Variants in CNTN5 observed in about 807,000 individuals in gnomAD.
CNTN5 encodes contactin-5.
CNTN5 carries 77 observed loss-of-function variants against 129.1 expected under a neutral mutation model. That is an observed-to-expected ratio of 0.60 (90% CI 0.50 to 0.72). CNTN5 has a LOEUF of 0.72. CNTN5 is among the 30% of genes least tolerant of loss of function. The pLI is 0.00. For missense variants in CNTN5, 1,478 were observed against 1,328.8 expected (o/e 1.11, Z -1.75); for synonymous variants, 509 against 465.6 (o/e 1.09, Z -1.20).
At position 99,779,326 on chromosome 11, in the gene CNTN5, G is replaced by A. The variant is rs1466815542; in HGVS notation, c.56-40218G>A. 2.6e-5 allele frequency among the ~76,000 whole-genome samples: 4 copies of A among 152,022 alleles called. No homozygotes were observed. In the East Asian group the frequency reaches 7.8e-4, roughly 30 times the overall value. ...TGTAATCAGGCTGAATTCAGATATG[G>A]AAATAGAATTTTTAATGTATTTCAA... On this transcript the variant is annotated intron_variant, in intron 3 of 24. Coordinates refer to ENST00000524871, the MANE Select transcript of CNTN5 (RefSeq NM_014361.4).
At chr11:99,549,346 A>C (rs1228822399) in intron 2 of CNTN5, among the ~76,000 whole-genome samples, 11 of 152,066 alleles carry the variant, frequency 7.2e-5, no homozygotes, top group Non-Finnish European at 1.3e-4. Context: ...CTCTAGAGAG[A>C]TATCCCTTTG....
intron 6 of CNTN5, among the ~76,000 whole-genome samples, chr11:99,855,014 A>G (rs541009649): frequency 4.6e-5 from 7 of 152,280 alleles, no homozygotes; most frequent in African/African-American, 1.7e-4. Context: ...GTAACTCTCA[A>G]AAAAGACCTT....
At chr11:100,336,356 C>T (rs1300515108) in intron 21 of CNTN5, among the ~76,000 whole-genome samples, 1 of 152,070 alleles carries the variant, frequency 6.6e-6, no homozygotes, top group African/African-American at 2.4e-5. Flanking sequence ...AAATGTTTTA[C>T]AGTAGGACCA....
intron 7 of CNTN5, 103 bp from the exon 8 acceptor site, chr11:99,956,703 C>G (rs1056035742): frequency 1.9e-5 from 14 of 737,472 alleles, no homozygotes; most frequent in Middle Eastern, 2.8e-4. Context: ...ATATGTATGA[C>G]CTTGCAATAT....
intron 3 of CNTN5, among the ~76,000 whole-genome samples, chr11:99,585,538 T>C (rs1949766416): frequency 6.6e-6 from 1 of 152,188 alleles, no homozygotes; most frequent in East Asian, 1.9e-4. Context: ...GGGATTTTCA[T>C]AGTTATTTTA....
rs188575091 is a variant in CNTN5 at position 100,336,697 on chromosome 11, T to C, written c.2731-3766T>C. 5.3e-5 allele frequency among the ~76,000 whole-genome samples: 8 copies of C among 152,328 alleles called. No homozygotes were observed. The East Asian group carries it at 7.7e-4, about 15-fold the overall frequency. ...AGAAGTTTCAACCTTAGAAAGTGCA[T>C]GTGACTTGTGAATATTGTGTAACCT... On this transcript the variant is annotated intron_variant, in intron 21 of 24. Transcript: ENST00000524871.
At chr11:99,764,541 C>T (rs1944690079) in intron 3 of CNTN5, among the ~76,000 whole-genome samples, 2 of 151,998 alleles carry the variant, frequency 1.3e-5, no homozygotes, top group South Asian at 4.1e-4. Context: ...TCCGCCTTCC[C>T]AAGTAGCTGG....
chr11:99,986,057 A>C (rs902967212), intron 8 of CNTN5, among the ~76,000 whole-genome samples: 2 of 152,146 alleles, frequency 1.3e-5, no homozygotes, highest in African/African-American at 4.8e-5. Context: ...TATGTTTACT[A>C]CTTCCACTTA....
chr11:100,222,613 T>G (rs936801523), intron 15 of CNTN5, among the ~76,000 whole-genome samples: 1 of 151,612 alleles, frequency 6.6e-6, no homozygotes, highest in Non-Finnish European at 1.5e-5. Context: ...TCTACTAAAC[T>G]GCCACCAGTA....
chr11:99,961,215 A>AAAC (rs1479327713), intron 8 of CNTN5, among the ~76,000 whole-genome samples: 1 of 144,216 alleles, frequency 6.9e-6, no homozygotes. Flanking sequence ...AGAAAAAAAA[A>AAAC]AAAAAAAAAA....
At chr11:100,210,386 T>C (rs2079614333) in intron 15 of CNTN5, among the ~76,000 whole-genome samples, 1 of 151,616 alleles carries the variant, frequency 6.6e-6, no homozygotes, top group Non-Finnish European at 1.5e-5. Context: ...TTATATTGTT[T>C]TCAACTTCTC....
At position 99,261,388 on chromosome 11, in the gene CNTN5, A is replaced by G. The variant is rs1317152317; in HGVS notation, c.-209-63958A>G. On this transcript the variant is annotated intron_variant, in intron 1 of 24. Transcript: ENST00000524871. ...TTGGGTTTAATGTAGTAAAACATTG[A>G]TTGTTTAAAATGTTTGCTTTTGAAG... Among the ~76,000 whole-genome samples, 3 of 152,064 alleles carry G rather than the reference A, an allele frequency of 2.0e-5. No homozygotes were observed. In the East Asian group the frequency reaches 5.8e-4, roughly 29 times the overall value.
intron 3 of CNTN5, among the ~76,000 whole-genome samples, chr11:99,620,583 T>C (rs1172582524): frequency 1.3e-5 from 2 of 151,528 alleles, no homozygotes; most frequent in Non-Finnish European, 2.9e-5. Context: ...CTAAAATAGT[T>C]AACTGCATGC....
At chr11:100,341,020 T>C in intron 22 of CNTN5, 73 bp from the exon 23 acceptor site, 2 of 1,096,886 alleles carry the variant, frequency 1.8e-6, no homozygotes, top group Non-Finnish European at 2.8e-6. Flanking sequence ...AAGATTGAGA[T>C]ACTCACAAAG....
At chr11:99,550,464 C>G (rs1948445303) in intron 2 of CNTN5, among the ~76,000 whole-genome samples, 1 of 152,018 alleles carries the variant, frequency 6.6e-6, no homozygotes, top group South Asian at 2.1e-4. Flanking sequence ...TTCTATGAGC[C>G]CTATTCCAAC....
intron 6 of CNTN5, among the ~76,000 whole-genome samples, chr11:99,912,825 G>A (rs1208844990): frequency 6.6e-6 from 1 of 151,844 alleles, no homozygotes; most frequent in African/African-American, 2.4e-5. Flanking sequence ...TTCTCATCTT[G>A]TTTCTTAAGT....
intron 10 of CNTN5, 49 bp downstream of exon 10, chr11:100,061,442 T>A (rs1457724351): frequency 7.4e-7 from 1 of 1,346,830 alleles, no homozygotes; most frequent in African/African-American, 1.4e-5. Context: ...AAAGTCAAAC[T>A]GAAAGTGGAA....
chr11:100,189,711 T>G (rs1333203659), intron 13 of CNTN5, among the ~76,000 whole-genome samples: 2 of 152,162 alleles, frequency 1.3e-5, no homozygotes, highest in Admixed American at 1.3e-4. Flanking sequence ...AAATGAACAC[T>G]ATATAATGAA....
intron 9 of CNTN5, among the ~76,000 whole-genome samples, chr11:100,041,952 G>A (rs1456619800): frequency 6.6e-6 from 1 of 152,174 alleles, no homozygotes; most frequent in Admixed American, 6.5e-5. Flanking sequence ...GAATCAGAAA[G>A]GAGAGAGATC....
Sources: allele counts gnomAD v4.1 joint callset (sites outside exome capture counted in the v4.1 genomes callset), GRCh38; gene constraint gnomAD v4.1.1; transcripts MANE v1.5; gene names NCBI Gene and HGNC (gene_info 2026-07-23, HGNC 2026-07-21).